STAM2: variants seen among roughly 807,000 people sequenced by gnomAD.
The protein encoded by STAM2 is signal transducing adapter molecule 2.
In STAM2, 51 loss-of-function variants were observed where a neutral mutation model predicts 65.6. That is an observed-to-expected ratio of 0.78 (90% CI 0.62 to 0.98). The LOEUF is 0.98. Ranked by LOEUF, STAM2 falls within the 50% of genes least tolerant of loss-of-function variation. STAM2 has a pLI of 0.00. For synonymous variants in STAM2, 198 were observed against 208.4 expected (o/e 0.95, Z 0.43); for missense variants, 584 against 617.8 (o/e 0.95, Z 0.58).
intron 1 of STAM2, among the ~76,000 whole-genome samples, chr2:152,151,759 C>T (rs1031705333): frequency 1.3e-5 from 2 of 152,170 alleles, no homozygotes; most frequent in African/African-American, 4.8e-5. Flanking sequence ...TAAATAGAAC[C>T]ACACAATATA....
At position 152,126,366 on chromosome 2, in the gene STAM2, A is replaced by G; in HGVS notation, c.1039T>C (p.Leu347=). 6.4e-7 allele frequency: 1 copy of G among 1,562,190 alleles called. No homozygotes were observed. Among genetic ancestry groups the G allele is most frequent in the Non-Finnish European group, 8.7e-7 (1 of 1,156,040 alleles). ...AGGACTTTAACATTCAATTCAGACA[A>G]TTCTGAATGCTTCCTGATGTAGAAG... is the stretch of plus-strand genomic sequence containing the variant. ...LEEIDRKHSE[L]SELNVKVLEA... is the part of the protein sequence containing the mutation. Residue 347 remains leucine, a synonymous_variant, in exon 12 of 14, where the codon TTG becomes CTG. Transcript: ENST00000263904.
chr2:152,146,291 TC>T (rs963795062), intron 5 of STAM2, among the ~76,000 whole-genome samples: 3 of 130,328 alleles, frequency 2.3e-5, no homozygotes, highest in Non-Finnish European at 3.3e-5. Flanking sequence ...AAAAAAAAAA[TC>T]TTTTTTTCTC....
chr2:152,128,135 CG>C (rs1688995993), intron 11 of STAM2, among the ~76,000 whole-genome samples: 1 of 152,138 alleles, frequency 6.6e-6, no homozygotes, highest in South Asian at 2.1e-4. Flanking sequence ...AGGCCGGGCG[CG>C]GTGGCTTATG....
Position 152,148,268 on chromosome 2 carries a change from C to G in STAM2, c.158G>C (p.Arg53Thr). ...AACATGTGGAACCTTATGATTTACC[C>G]TTTTCATTATGGCTTTTAGGCAATC... ...AKDCLKAIMK[R>T]VNHKVPHVAL... Residue 53 changes from arginine to threonine, a missense_variant, in exon 3 of 14, where the codon AGG (arginine) becomes ACG (threonine). Coordinates refer to ENST00000263904, the MANE Select transcript of STAM2 (RefSeq NM_005843.6). 6.2e-7 allele frequency: 1 copy of G among 1,611,296 alleles called. No individual in the cohort carries two copies. The highest frequency in any genetic ancestry group is 1.1e-5 in the South Asian group (1 of 90,266).
intron 2 of STAM2, 32 bp downstream of exon 2, chr2:152,150,113 A>C: frequency 2.7e-5 from 38 of 1,425,846 alleles, no homozygotes; most frequent in Non-Finnish European, 3.6e-5. Flanking sequence ...TCAAGTTCCT[A>C]GACATTCACT....
intron 13 of STAM2, among the ~76,000 whole-genome samples, chr2:152,122,983 A>G (rs1377357134): frequency 6.6e-6 from 1 of 151,606 alleles, no homozygotes; most frequent in African/African-American, 2.4e-5. Context: ...GGGTGGGTGG[A>G]TAGCTTGAGA....
chr2:152,164,269 C>A (rs1228025170), intron 1 of STAM2, among the ~76,000 whole-genome samples: 14 of 152,078 alleles, frequency 9.2e-5, no homozygotes, highest in Non-Finnish European at 1.8e-4. Flanking sequence ...ATATCTTAAA[C>A]ACACTGAATA....
At chr2:152,156,242 A>G (rs1406044942) in intron 1 of STAM2, among the ~76,000 whole-genome samples, 1 of 152,248 alleles carries the variant, frequency 6.6e-6, no homozygotes, top group Non-Finnish European at 1.5e-5. Context: ...AGCATAGTTT[A>G]GTCTCTACAA....
At chr2:152,152,066 G>A (rs978473132) in intron 1 of STAM2, among the ~76,000 whole-genome samples, 6 of 152,020 alleles carry the variant, frequency 3.9e-5, no homozygotes, top group Non-Finnish European at 5.9e-5. Context: ...TCAGCTTCCC[G>A]AGTAGCTAGG....
In STAM2 at chr2:152,118,712, GT is replaced by G; in HGVS notation, c.*1861del. ...GAGCAGCTTTGGATTTTTTTTAAAT[GT>G]TTTTTAAAAATTATTATTTTGTAAA... On this transcript the variant is annotated 3_prime_UTR_variant, in exon 14 of 14. Transcript: ENST00000263904. 6.6e-6 allele frequency: 1 copy of G among 151,574 alleles called. No homozygotes were observed. 9.4% of individuals were successfully genotyped at this position (151,574 alleles called of 1,614,324 possible). A position where few individuals can be genotyped will look rare whatever the true frequency, so the allele number is the denominator to read the frequency against.
chr2:152,140,460 C>T (rs17398329), intron 7 of STAM2, among the ~76,000 whole-genome samples: 55,697 of 152,092 alleles, frequency 0.37, 12,373 homozygotes, highest in Non-Finnish European at 0.51. Context: ...AAGTACTCAC[C>T]TGCTAACTTT....
chr2:152,163,008 T>A (rs923107885), intron 1 of STAM2, among the ~76,000 whole-genome samples: 4 of 152,148 alleles, frequency 2.6e-5, no homozygotes, highest in African/African-American at 9.7e-5. Flanking sequence ...TAGTAAGCAA[T>A]AAAATAGATT....
Position 152,148,094 on chromosome 2 carries a change from CCA to C in STAM2, c.228_229del (p.Cys76TrpfsTer12), listed in dbSNP as rs1689368715. 3 of 1,610,302 alleles carry C rather than the reference CCA, an allele frequency of 1.9e-6. No homozygotes were observed. Among genetic ancestry groups the C allele is most frequent in the East Asian group, 2.2e-5 (1 of 44,706 alleles). On this transcript the variant is annotated frameshift_variant, in exon 4 of 14. Coordinates refer to ENST00000263904, the MANE Select transcript of STAM2 (RefSeq NM_005843.6). LOFTEE classifies it high-confidence loss of function. ...ACATACTTCTAAATGAAATATCTTT[CCA>C]CAGTTTGCCACACAAGCCCCAAGAA... is the stretch of plus-strand genomic sequence containing the variant.
At chr2:152,122,435 T>TA (rs1012078053) in intron 13 of STAM2, among the ~76,000 whole-genome samples, 1 of 151,762 alleles carries the variant, frequency 6.6e-6, no homozygotes, top group Non-Finnish European at 1.5e-5. Context: ...AAAGTTTCAA[T>TA]AAAAAAAATT....
In STAM2 at chr2:152,120,494, G is replaced by A; in HGVS notation, c.*80C>T. On this transcript the variant is annotated 3_prime_UTR_variant, in exon 14 of 14. Transcript: ENST00000263904. ...TCCTTTTGAGTTGAGAGGGAAAAAA[G>A]TTTTAATATTTTCAGGTTGGTATCA... The A allele has an allele frequency of 8.0e-7, 1 of 1,251,190 alleles. No individual in the cohort carries two copies. The highest frequency in any genetic ancestry group is 1.1e-6 in the Non-Finnish European group (1 of 883,084). 77.5% of individuals were successfully genotyped at this position (1,251,190 alleles called of 1,614,324 possible).
rs763434508 is a variant in STAM2, at chr2:152,133,496, A to C, written c.800-12T>G. 6.3e-7 allele frequency: 1 copy of C among 1,595,568 alleles called. No homozygotes were observed. Among genetic ancestry groups the C allele is most frequent in the South Asian group, 1.1e-5 (1 of 89,888 alleles). On this transcript the variant is annotated splice_polypyrimidine_tract_variant and intron_variant, in intron 8 of 13. Transcript: ENST00000263904. Reference sequence around the variant, plus strand: ...TTTGTCCACAGCCGCTATAGAAACAAAGTAATTTTAAGTTCCTCAGCATTT... The same window carrying C: ...TTTGTCCACAGCCGCTATAGAAACACAGTAATTTTAAGTTCCTCAGCATTT...
At chr2:152,124,774 C>T (rs1173086880) in intron 12 of STAM2, 1 of 152,172 alleles carries the variant, frequency 6.6e-6, no homozygotes, top group Non-Finnish European at 1.5e-5. Context: ...CACATTACCT[C>T]CTTAGTAGAC....
At chr2:152,145,094 C>A in intron 5 of STAM2, 137 bp from the exon 6 acceptor site, 1 of 697,092 alleles carries the variant, frequency 1.4e-6, no homozygotes, top group Non-Finnish European at 2.5e-6. Flanking sequence ...TTTTTTGAGA[C>A]AGGGTCTCAT....
At chr2:152,140,267 T>C (rs1325663838) in intron 7 of STAM2, among the ~76,000 whole-genome samples, 1 of 152,116 alleles carries the variant, frequency 6.6e-6, no homozygotes, top group Admixed American at 6.5e-5. Context: ...GAAAATTAAG[T>C]CTGTGGAAAT....
Sources: gnomAD v4.1 joint callset for allele counts (sites outside exome capture counted in the v4.1 genomes callset) on GRCh38, gnomAD v4.1.1 for gene constraint, MANE v1.5 for transcripts, NCBI Gene and HGNC (gene_info 2026-07-23, HGNC 2026-07-21) for gene names.